NCAM1: variants seen among roughly 807,000 people sequenced by gnomAD.
NCAM1 encodes the protein antigen recognized by monoclonal antibody 5.1H11.
In NCAM1, 14 loss-of-function variants were observed where a neutral mutation model predicts 109.8. The observed-to-expected ratio is 0.13, with a 90% CI of 0.08 to 0.20. The LOEUF (loss-of-function observed/expected upper bound fraction) is 0.20, where lower values mean the gene tolerates loss of function less well. NCAM1 is among the 10% of genes least tolerant of loss of function. The pLI, the probability that NCAM1 is intolerant of heterozygous loss-of-function variation, is 1.00. For missense variants in NCAM1, 774 were observed against 1,109.9 expected (o/e 0.70, Z 4.30); for synonymous variants, 418 against 442.9 (o/e 0.94, Z 0.70).
chr11:113,076,037 T>G (rs1591304741), intron 1 of NCAM1, among the ~76,000 whole-genome samples: 1 of 152,206 alleles, frequency 6.6e-6, no homozygotes. Flanking sequence ...TCACCATTGG[T>G]TCAAAGAAAA....
At chr11:113,104,200 G>A (rs1940024554) in intron 1 of NCAM1, among the ~76,000 whole-genome samples, 1 of 125,166 alleles carries the variant, frequency 8.0e-6, no homozygotes, top group Non-Finnish European at 1.7e-5. Flanking sequence ...GTGAAGAGGA[G>A]GTGGGGTGGG....
At chr11:113,226,129 C>G (rs1944839093) in intron 9 of NCAM1, among the ~76,000 whole-genome samples, 1 of 152,218 alleles carries the variant, frequency 6.6e-6, no homozygotes, top group South Asian at 2.1e-4. Context: ...TTAAAAGACA[C>G]AGACTGGCAA....
chr11:113,084,146 T>C (rs1242785774), intron 1 of NCAM1, among the ~76,000 whole-genome samples: 1 of 152,170 alleles, frequency 6.6e-6, no homozygotes, highest in Non-Finnish European at 1.5e-5. Context: ...GCTTTCATCA[T>C]CAAGGCCCCT....
intron 9 of NCAM1, among the ~76,000 whole-genome samples, chr11:113,228,602 C>CA (rs1434618428): frequency 3.9e-5 from 6 of 152,058 alleles, no homozygotes; most frequent in Non-Finnish European, 7.4e-5. Flanking sequence ...CATATGGAAC[C>CA]AAAAAAGAGC....
At chr11:113,108,726 G>A (rs1940284520) in intron 1 of NCAM1, among the ~76,000 whole-genome samples, 1 of 150,450 alleles carries the variant, frequency 6.6e-6, no homozygotes, top group Non-Finnish European at 1.5e-5. Flanking sequence ...TTTTAATGGG[G>A]TAGGGTCCAG....
At chr11:113,117,358 G>A (rs1284177570) in intron 1 of NCAM1, among the ~76,000 whole-genome samples, 5 of 151,862 alleles carry the variant, frequency 3.3e-5, no homozygotes, top group Non-Finnish European at 5.9e-5. Flanking sequence ...CTGCCTTCAG[G>A]TAAGTTACAC....
intron 1 of NCAM1, among the ~76,000 whole-genome samples, chr11:113,078,124 C>T (rs943695895): frequency 5.3e-5 from 8 of 152,144 alleles, no homozygotes. Context: ...AGTCTAAAAT[C>T]AAGTGTCGGC....
chr11:113,170,212 T>G (rs1327170929), intron 1 of NCAM1, among the ~76,000 whole-genome samples: 1 of 152,210 alleles, frequency 6.6e-6, no homozygotes, highest in Admixed American at 6.5e-5. Flanking sequence ...TGCCCAGCAC[T>G]CCATGGCTAA....
chr11:113,091,996 G>C (rs1939367504), intron 1 of NCAM1, among the ~76,000 whole-genome samples: 1 of 151,612 alleles, frequency 6.6e-6, no homozygotes, highest in South Asian at 2.1e-4. Flanking sequence ...TCTGATTTAA[G>C]AAATATTGAT....
In NCAM1 at chr11:113,272,841, G is replaced by A. The variant is rs189944357; in HGVS notation, c.2456+965G>A. The A allele has an allele frequency of 6.6e-4, 290 of 440,870 alleles. 5 individuals carry two copies. In the East Asian group the frequency reaches 0.019, roughly 29 times the overall value. 27.3% of individuals were successfully genotyped at this position (440,870 alleles called of 1,614,324 possible). On this transcript the variant is annotated intron_variant, in intron 19 of 19. Coordinates refer to ENST00000316851, the MANE Select transcript of NCAM1 (RefSeq NM_181351.5). The stretch of plus-strand genomic sequence containing the variant: ...CCTAACTGCATGCCCCCACCCCCAT[G>A]GTCCCTGTCCTGGGCTTCAGCCCTC...
At chr11:113,172,847 A>T (rs1189730960) in intron 1 of NCAM1, among the ~76,000 whole-genome samples, 3 of 152,186 alleles carry the variant, frequency 2.0e-5, no homozygotes, top group African/African-American at 7.2e-5. Context: ...CTGTTATAAA[A>T]AGGAAATTTG....
At chr11:113,031,504 C>G (rs558659057) in intron 1 of NCAM1, among the ~76,000 whole-genome samples, 134 of 152,166 alleles carry the variant, frequency 8.8e-4, no homozygotes, top group African/African-American at 3.0e-3. Flanking sequence ...CCAGCCTGAC[C>G]AACATGGTGA....
At chr11:113,190,822 C>T (rs1555109730) in intron 1 of NCAM1, among the ~76,000 whole-genome samples, 1 of 152,102 alleles carries the variant, frequency 6.6e-6, no homozygotes, top group African/African-American at 2.4e-5. Context: ...GGGGAATGGA[C>T]TCTCCATCCA....
intron 10 of NCAM1, 57 bp downstream of exon 10, chr11:113,231,852 GA>G (rs1945018088): frequency 6.2e-7 from 1 of 1,602,348 alleles, no homozygotes; most frequent in African/African-American, 1.3e-5. Context: ...GGGTCAGGAT[GA>G]GAGAGGAAAA....
At position 113,183,457 on chromosome 11, in the gene NCAM1, G is replaced by A. The variant is rs147062540; in HGVS notation, c.53-18922G>A. Among the ~76,000 whole-genome samples, 1,132 of 152,250 alleles carry A rather than the reference G, an allele frequency of 7.4e-3. 10 individuals are homozygous for A. Among genetic ancestry groups the A allele is most frequent in the Non-Finnish European group, 0.012 (844 of 68,026 alleles). On this transcript the variant is annotated intron_variant, in intron 1 of 19. Transcript: ENST00000316851. Reference sequence around the variant, plus strand: ...TAGGAAATACACGCAAATGAAAGAGGGTTTGCTGTCAGGTAGTGGAGAGCA... The same window carrying A: ...TAGGAAATACACGCAAATGAAAGAGAGTTTGCTGTCAGGTAGTGGAGAGCA...
At chr11:113,257,017 A>G (rs1945850854) in intron 16 of NCAM1, among the ~76,000 whole-genome samples, 1 of 152,216 alleles carries the variant, frequency 6.6e-6, no homozygotes, top group African/African-American at 2.4e-5. Context: ...AAGTCAGTTC[A>G]GCACAGAGCC....
chr11:113,202,032 T>C (rs900138329), intron 1 of NCAM1, among the ~76,000 whole-genome samples: 3 of 152,214 alleles, frequency 2.0e-5, no homozygotes, highest in Admixed American at 1.3e-4. Context: ...TGTTGCTGTT[T>C]TGGAGCAGGA....
chr11:113,062,188 T>C (rs1937690432), intron 1 of NCAM1, among the ~76,000 whole-genome samples: 1 of 152,228 alleles, frequency 6.6e-6, no homozygotes, highest in Non-Finnish European at 1.5e-5. Flanking sequence ...CACTTCTATG[T>C]AGTTCCAGAA....
chr11:113,091,192 A>C (rs782273445), intron 1 of NCAM1, among the ~76,000 whole-genome samples: 4 of 152,090 alleles, frequency 2.6e-5, no homozygotes, highest in Non-Finnish European at 4.4e-5. Flanking sequence ...CTGCTTCTCA[A>C]AAAGGTTAAG....
Sources: gnomAD v4.1 joint callset for allele counts (sites outside exome capture counted in the v4.1 genomes callset) on GRCh38, gnomAD v4.1.1 for gene constraint, MANE v1.5 for transcripts, NCBI Gene and HGNC (gene_info 2026-07-23, HGNC 2026-07-21) for gene names.